Variants in TRMT2B observed in about 807,000 individuals in gnomAD.
The protein encoded by TRMT2B is tRNA (uracil-5-)-methyltransferase homolog B.
Under a neutral mutation model 39.7 loss-of-function variants are expected in TRMT2B, and 34 were observed. The observed-to-expected ratio is 0.86, with a 90% CI of 0.65 to 1.14. TRMT2B has a LOEUF of 1.14. TRMT2B is among the 50% of genes most tolerant of loss of function. The pLI, the probability that TRMT2B is intolerant of heterozygous loss-of-function variation, is 0.00. For missense variants in TRMT2B, 318 were observed against 377.2 expected (o/e 0.84, Z 1.30); for synonymous variants, 132 against 137.3 (o/e 0.96, Z 0.27).
At chrX:101,040,952 G>A (rs778052846) in intron 4 of TRMT2B, among the ~76,000 whole-genome samples, 2 of 111,931 alleles carry the variant, frequency 1.8e-5, no homozygotes, top group Non-Finnish European at 3.8e-5. Context: ...GCTCACACCT[G>A]TAATCCCAGC....
At chrX:101,027,147 C>T (rs1319561514) in intron 7 of TRMT2B, among the ~76,000 whole-genome samples, 2 of 111,466 alleles carry the variant, frequency 1.8e-5, no homozygotes, top group Non-Finnish European at 3.8e-5. Context: ...CTTGACCTAT[C>T]GGCAAGCATT....
chrX:101,020,626 G>T, intron 10 of TRMT2B, 38 bp from the exon 11 acceptor site: 1 of 1,025,245 alleles, frequency 9.8e-7, no homozygotes, highest in Non-Finnish European at 1.4e-6. Flanking sequence ...AGGCATTTTA[G>T]GGTTTAGGTG....
intron 5 of TRMT2B, 67 bp from the exon 6 acceptor site, chrX:101,037,140 G>C: frequency 1.2e-6 from 1 of 859,681 alleles, no homozygotes; most frequent in Non-Finnish European, 1.7e-6. Context: ...TAACAATAAA[G>C]GGAAAGCAGG....
At chrX:100,975,230 C>G in the TRMT2B span, among the ~76,000 whole-genome samples, 3 of 111,865 alleles carry the variant, frequency 2.7e-5, no homozygotes, top group Non-Finnish European at 5.6e-5. Flanking sequence ...TCTGATACAG[C>G]CACAACAAAT....
downstream of TRMT2B, among the ~76,000 whole-genome samples, chrX:101,008,050 T>C (rs1352869233): frequency 1.8e-5 from 2 of 111,684 alleles, no homozygotes; most frequent in Non-Finnish European, 3.8e-5. Context: ...AGTAAACTGT[T>C]ATATTCATTA....
At chrX:101,002,779 CAAAAA>C in the TRMT2B span, among the ~76,000 whole-genome samples, 1 of 61,879 alleles carries the variant, frequency 1.6e-5, no homozygotes. Context: ...AACTCTGTCT[CAAAAA>C]AAAAAAAAAA....
intron 5 of TRMT2B, chrX:101,037,356 A>C: frequency 3.3e-6 from 1 of 300,153 alleles, no homozygotes; most frequent in South Asian, 6.2e-5. Flanking sequence ...CAACTACTCA[A>C]CTCTGCCATC....
At chrX:101,020,441 A>C (rs370281452) in intron 11 of TRMT2B, 46 bp downstream of exon 11, 9 of 1,063,398 alleles carry the variant, frequency 8.5e-6, no homozygotes, top group Non-Finnish European at 1.2e-5. Flanking sequence ...CATAGCACAG[A>C]AACAACTGCA....
At chrX:101,034,302 C>T (rs748046427) in intron 7 of TRMT2B, among the ~76,000 whole-genome samples, 11 of 108,690 alleles carry the variant, frequency 1.0e-4, no homozygotes, top group Non-Finnish European at 7.6e-5. Flanking sequence ...CCACTACGCT[C>T]GGCTAATTTT....
intron 8 of TRMT2B, among the ~76,000 whole-genome samples, chrX:101,023,041 T>G (rs972494631): frequency 8.9e-6 from 1 of 112,253 alleles, no homozygotes; most frequent in Non-Finnish European, 1.9e-5. Flanking sequence ...TTTACAAGTT[T>G]GTTGAGATGA....
At chrX:101,007,406 G>A (rs1322632011), downstream of TRMT2B, among the ~76,000 whole-genome samples, 1 of 111,863 alleles carries the variant, frequency 8.9e-6, no homozygotes, top group Non-Finnish European at 1.9e-5. Context: ...CAGCACTTTG[G>A]GAGGCCAAGG....
At chrX:100,990,110 G>C in the TRMT2B span, among the ~76,000 whole-genome samples, 1 of 112,276 alleles carries the variant, frequency 8.9e-6, no homozygotes, top group African/African-American at 3.2e-5. Context: ...AGAAGCCTTT[G>C]GTTCCTATAG....
At chrX:101,031,408 G>T (rs1489318811) in intron 7 of TRMT2B, among the ~76,000 whole-genome samples, 14 of 112,341 alleles carry the variant, frequency 1.2e-4, no homozygotes, top group African/African-American at 4.5e-4. Context: ...ACTTCAAACA[G>T]GAAAAAAAGC....
At chrX:101,033,237 CAA>C (rs1307932524) in intron 7 of TRMT2B, among the ~76,000 whole-genome samples, 2 of 92,482 alleles carry the variant, frequency 2.2e-5, no homozygotes, top group Non-Finnish European at 4.2e-5. Context: ...GCCTGGGCGA[CAA>C]GAGCAAAACT....
chrX:100,978,864 G>A, the TRMT2B span, among the ~76,000 whole-genome samples: 6 of 109,614 alleles, frequency 5.5e-5, no homozygotes, highest in African/African-American at 2.0e-4. Context: ...TAGGTTTTTT[G>A]ATTTGAAGTT....
intron 2 of TRMT2B, among the ~76,000 whole-genome samples, chrX:101,048,464 C>A (rs1257287551): frequency 9.7e-6 from 1 of 103,412 alleles, no homozygotes; most frequent in East Asian, 2.9e-4. Flanking sequence ...AAAAAAAAAA[C>A]AGTCTTACTT....
the TRMT2B span, chrX:100,990,600 AGAGT>A: frequency 1.7e-6 from 2 of 1,155,802 alleles, no homozygotes; most frequent in Admixed American, 5.2e-5. Flanking sequence ...AGGCTCAAGA[AGAGT>A]GAGATGGCAT....
intron 2 of TRMT2B, among the ~76,000 whole-genome samples, chrX:101,042,934 G>A (rs906841100): frequency 4.5e-5 from 5 of 111,594 alleles, no homozygotes; most frequent in African/African-American, 1.6e-4. Flanking sequence ...GCAAGTAGCT[G>A]AAACTACAGG....
the TRMT2B span, chrX:100,987,531 T>C: frequency 8.3e-7 from 1 of 1,211,003 alleles, no homozygotes; most frequent in Non-Finnish European, 1.1e-6. Flanking sequence ...TAACACAGGC[T>C]CTGGAGAAAG....
Sources: gnomAD v4.1 joint callset for allele counts (sites outside exome capture counted in the v4.1 genomes callset) on GRCh38, gnomAD v4.1.1 for gene constraint, MANE v1.5 for transcripts, NCBI Gene and HGNC (gene_info 2026-07-23, HGNC 2026-07-21) for gene names.